Variants in GALNT17 observed in about 807,000 individuals in gnomAD.
GALNT17 encodes the protein UDP-GalNAc:polypeptide N-acetylgalactosaminyltransferase-like 3.
In GALNT17, 29 loss-of-function variants were observed where a neutral mutation model predicts 63.7. That is an observed-to-expected ratio of 0.46 (90% CI 0.34 to 0.62). The LOEUF is 0.62. Ranked by LOEUF, GALNT17 falls within the 20% of genes least tolerant of loss-of-function variation. The pLI is 0.01. For synonymous variants in GALNT17, 305 were observed against 318.3 expected (o/e 0.96, Z 0.45); for missense variants, 603 against 799.6 (o/e 0.75, Z 2.97).
chr7:71,239,856 T>TG (rs1789962160), intron 1 of GALNT17, among the ~76,000 whole-genome samples: 1 of 152,126 alleles, frequency 6.6e-6, no homozygotes, highest in African/African-American at 2.4e-5. Context: ...GAAAAATGAG[T>TG]TTTACATTGT....
At chr7:71,241,650 G>A (rs942951433) in intron 1 of GALNT17, among the ~76,000 whole-genome samples, 2 of 152,178 alleles carry the variant, frequency 1.3e-5, no homozygotes, top group African/African-American at 2.4e-5. Context: ...CATTTTGAGA[G>A]GCTGAGGCAG....
chr7:71,657,871 TGGA>T (rs1790851587), intron 6 of GALNT17, among the ~76,000 whole-genome samples: 1 of 28,640 alleles, frequency 3.5e-5, no homozygotes, highest in Non-Finnish European at 8.9e-5. Flanking sequence ...GATGGATGGA[TGGA>T]TGGATGGATG....
rs148840378 is a variant in GALNT17, at chr7:71,377,995, A to C, written c.423-10240A>C. Among the ~76,000 whole-genome samples, 1,220 of 152,136 alleles carry C rather than the reference A, an allele frequency of 8.0e-3. 18 individuals are homozygous for C. The highest frequency in any genetic ancestry group is 0.027 in the African/African-American group (1,108 of 41,506). On this transcript the variant is annotated intron_variant, in intron 2 of 10. Coordinates refer to ENST00000333538, the MANE Select transcript of GALNT17 (RefSeq NM_022479.3). ...CTCGGGAATAGCTGTGTGAAAACGG[A>C]CTCATACAATATCTTGCATTCAATT...
chr7:71,703,364 C>T (rs1791679131), intron 9 of GALNT17, among the ~76,000 whole-genome samples: 1 of 152,176 alleles, frequency 6.6e-6, no homozygotes, highest in African/African-American at 2.4e-5. Flanking sequence ...GGAGCAGGCA[C>T]ATCAATGGGC....
In GALNT17 at chr7:71,427,402, T is replaced by G. The variant is rs1227080452; in HGVS notation, c.962+6297T>G. Among the ~76,000 whole-genome samples the G allele has an allele frequency of 2.0e-5, 3 of 151,910 alleles. No individual in the cohort carries two copies. In the East Asian group the frequency reaches 5.8e-4, roughly 29 times the overall value. ...TGAGCCACCACCACGCCTGGCCTCA[T>G]TTACTCTTAACAGTCAGAAGCCTAG... On this transcript the variant is annotated intron_variant, in intron 5 of 10. Transcript: ENST00000333538.
intron 1 of GALNT17, among the ~76,000 whole-genome samples, chr7:71,273,532 C>T (rs7795083): frequency 0.21 from 32,632 of 152,108 alleles, 3,756 homozygotes; most frequent in African/African-American, 0.29. Context: ...TCCCTTTTCT[C>T]TGTTAGCAAA....
intron 5 of GALNT17, among the ~76,000 whole-genome samples, chr7:71,478,286 C>T (rs1217269820): frequency 6.6e-6 from 1 of 151,978 alleles, no homozygotes. Context: ...GAGGAGTTTC[C>T]ACCCTCTGAG....
chr7:71,702,344 A>G (rs1049397924), intron 9 of GALNT17, among the ~76,000 whole-genome samples: 1 of 152,204 alleles, frequency 6.6e-6, no homozygotes, highest in African/African-American at 2.4e-5. Context: ...AGGAACAGCC[A>G]GTGCAAAGGC....
At chr7:71,319,784 T>A (rs1791570309) in intron 1 of GALNT17, among the ~76,000 whole-genome samples, 1 of 152,236 alleles carries the variant, frequency 6.6e-6, no homozygotes, top group Non-Finnish European at 1.5e-5. Flanking sequence ...TGTTCTTGAA[T>A]CATTTCTTAC....
At chr7:71,153,792 C>CT (rs1788178232) in intron 1 of GALNT17, among the ~76,000 whole-genome samples, 1 of 152,068 alleles carries the variant, frequency 6.6e-6, no homozygotes, top group Admixed American at 6.6e-5. Flanking sequence ...TGGCGGGCGC[C>CT]TGTAGTCCCA....
In GALNT17 at chr7:71,321,357, A is replaced by C. The variant is rs562108903; in HGVS notation, c.239-14193A>C. The stretch of plus-strand genomic sequence containing the variant: ...CACAGACACTCTTGGGCATATCAGC[A>C]GCCAGAGACTGTCCAAGACAGACAT... On this transcript the variant is annotated intron_variant, in intron 1 of 10. Transcript: ENST00000333538. Among the ~76,000 whole-genome samples the C allele has an allele frequency of 3.3e-5, 5 of 152,324 alleles. No individual in the cohort carries two copies. In the East Asian group the frequency reaches 9.7e-4, roughly 30 times the overall value.
At chr7:71,175,401 CTATT>C (rs1788619833) in intron 1 of GALNT17, among the ~76,000 whole-genome samples, 2 of 152,192 alleles carry the variant, frequency 1.3e-5, no homozygotes. Context: ...AATCTGTTAT[CTATT>C]CTCTATCTGT....
intron 3 of GALNT17, among the ~76,000 whole-genome samples, chr7:71,389,485 A>G (rs576328790): frequency 1.8e-4 from 28 of 152,206 alleles, no homozygotes; most frequent in Non-Finnish European, 3.2e-4. Context: ...AAGGTGGAAT[A>G]GTTTCATCCT....
chr7:71,414,868 C>T (rs1446576956), intron 3 of GALNT17, among the ~76,000 whole-genome samples: 1 of 152,148 alleles, frequency 6.6e-6, no homozygotes. Flanking sequence ...GTCCCTGAGT[C>T]CCCCAGCACC....
chr7:71,271,291 A>G (rs1482389563), intron 1 of GALNT17, among the ~76,000 whole-genome samples: 1 of 152,214 alleles, frequency 6.6e-6, no homozygotes, highest in African/African-American at 2.4e-5. Context: ...CAGTGCAAGA[A>G]ATGATCATGC....
chr7:71,296,789 G>C (rs1194313452), intron 1 of GALNT17, among the ~76,000 whole-genome samples: 2 of 151,646 alleles, frequency 1.3e-5, no homozygotes, highest in African/African-American at 2.4e-5. Context: ...ATTTAATATA[G>C]CATGTGTAAT....
chr7:71,654,361 CTG>C (rs1790797053), intron 6 of GALNT17, among the ~76,000 whole-genome samples: 1 of 152,136 alleles, frequency 6.6e-6, no homozygotes, highest in Non-Finnish European at 1.5e-5. Context: ...TATGGGGAAA[CTG>C]TGTAGAGGTT....
chr7:71,419,452 G>A (rs1786618301), intron 4 of GALNT17, among the ~76,000 whole-genome samples: 2 of 152,202 alleles, frequency 1.3e-5, no homozygotes, highest in Admixed American at 1.3e-4. Context: ...ACTAGTAAGT[G>A]CTTAATAAAG....
chr7:71,179,004 G>A (rs1441267845), intron 1 of GALNT17, among the ~76,000 whole-genome samples: 1 of 152,006 alleles, frequency 6.6e-6, no homozygotes, highest in Non-Finnish European at 1.5e-5. Context: ...TCCTTTCAAT[G>A]GATTTTTATC....
Sources: gnomAD v4.1 joint callset for allele counts (sites outside exome capture counted in the v4.1 genomes callset) on GRCh38, gnomAD v4.1.1 for gene constraint, MANE v1.5 for transcripts, NCBI Gene and HGNC (gene_info 2026-07-23, HGNC 2026-07-21) for gene names.